Variants in PCLO observed in about 807,000 individuals in gnomAD.
PCLO encodes the protein protein piccolo.
Under a neutral mutation model 427.5 loss-of-function variants are expected in PCLO, and 82 were observed. The ratio of observed to expected loss-of-function variants is 0.19; its 90% confidence interval spans 0.16 to 0.23. The LOEUF (loss-of-function observed/expected upper bound fraction) is 0.23. Among genes scored for constraint, PCLO ranks in the 10% least tolerant of loss-of-function variants. The pLI is 1.00. For missense variants in PCLO, 6,239 were observed against 6,115.9 expected (o/e 1.02, Z -0.67); for synonymous variants, 2,357 against 2,155.4 (o/e 1.09, Z -2.59).
intron 3 of PCLO, among the ~76,000 whole-genome samples, chr7:83,094,753 CAA>C (rs1214757808): frequency 6.6e-6 from 1 of 152,108 alleles, no homozygotes; most frequent in Admixed American, 6.6e-5. Flanking sequence ...GGTAAGTGCT[CAA>C]GAGTGCAACT....
intron 2 of PCLO, among the ~76,000 whole-genome samples, chr7:83,154,141 G>A (rs917441462): frequency 9.2e-5 from 14 of 152,110 alleles, no homozygotes; most frequent in African/African-American, 2.7e-4. Context: ...AAGCCTAGGC[G>A]ATATAAACTG....
At chr7:82,782,567 A>T (rs1790895660) in intron 22 of PCLO, among the ~76,000 whole-genome samples, 1 of 152,216 alleles carries the variant, frequency 6.6e-6, no homozygotes, top group African/African-American at 2.4e-5. Flanking sequence ...AGAAGAGAGT[A>T]GAATGTTCTA....
At chr7:83,125,171 G>A (rs1464304084) in intron 3 of PCLO, among the ~76,000 whole-genome samples, 1 of 151,912 alleles carries the variant, frequency 6.6e-6, no homozygotes, top group Non-Finnish European at 1.5e-5. Context: ...CTGCCCGGCC[G>A]CCACCCCGTC....
At chr7:82,978,327 AT>A (rs1197526932) in intron 3 of PCLO, among the ~76,000 whole-genome samples, 3 of 152,148 alleles carry the variant, frequency 2.0e-5, no homozygotes, top group Admixed American at 6.6e-5. Flanking sequence ...TGTTAAAAAA[AT>A]ATGATTATTA....
At chr7:82,972,210 G>C (rs774827238) in intron 3 of PCLO, among the ~76,000 whole-genome samples, 1 of 151,828 alleles carries the variant, frequency 6.6e-6, no homozygotes, top group Non-Finnish European at 1.5e-5. Context: ...ATCAATTCAC[G>C]AGAGCTTGTT....
In PCLO at chr7:83,059,700, T is replaced by C. The variant is rs557871753; in HGVS notation, c.3300+74550A>G. Among the ~76,000 whole-genome samples the C allele has an allele frequency of 4.6e-5, 7 of 152,192 alleles. No individual in the cohort carries two copies. In the East Asian group the frequency reaches 1.4e-3, roughly 29 times the overall value. ...GCTTGGTGGTTAAGAGGTGAAGAGC[T>C]ATGCCATCTGAAAGAAGTACCAAGA... On this transcript the variant is annotated intron_variant, in intron 3 of 24. Coordinates refer to ENST00000333891, the MANE Select transcript of PCLO (RefSeq NM_033026.6).
intron 3 of PCLO, among the ~76,000 whole-genome samples, chr7:83,071,844 T>C (rs1024139534): frequency 6.6e-6 from 1 of 152,170 alleles, no homozygotes; most frequent in Non-Finnish European, 1.5e-5. Context: ...AAGAAAATAC[T>C]CTTCAAAGAA....
At chr7:83,069,746 C>T (rs937527578) in intron 3 of PCLO, among the ~76,000 whole-genome samples, 24 of 150,960 alleles carry the variant, frequency 1.6e-4, no homozygotes, top group African/African-American at 5.6e-4. Flanking sequence ...ATATTCTTGG[C>T]TCTTCACAAC....
chr7:82,843,627 T>C (rs1792423165), intron 13 of PCLO, among the ~76,000 whole-genome samples: 1 of 151,918 alleles, frequency 6.6e-6, no homozygotes, highest in Non-Finnish European at 1.5e-5. Flanking sequence ...AGGTAATCCA[T>C]GTTAATTAGC....
At chr7:83,094,135 A>G (rs567865393) in intron 3 of PCLO, among the ~76,000 whole-genome samples, 1 of 150,482 alleles carries the variant, frequency 6.6e-6, no homozygotes, top group Admixed American at 6.6e-5. Flanking sequence ...TCCTATTTCT[A>G]TAATTTTGTC....
At chr7:83,033,297 G>T (rs1788716412) in intron 3 of PCLO, among the ~76,000 whole-genome samples, 1 of 152,126 alleles carries the variant, frequency 6.6e-6, no homozygotes, top group African/African-American at 2.4e-5. Context: ...CTCACTACTT[G>T]ACATTAGCAG....
At chr7:83,049,800 T>C (rs191079891) in intron 3 of PCLO, among the ~76,000 whole-genome samples, 26 of 152,170 alleles carry the variant, frequency 1.7e-4, no homozygotes, top group Admixed American at 9.2e-4. Flanking sequence ...GCGGTTAAGC[T>C]AAAAGATATC....
chr7:83,055,009 C>T lies in PCLO; in HGVS notation c.3300+79241G>A, dbSNP rs946275136. Among the ~76,000 whole-genome samples the T allele has an allele frequency of 2.6e-5, 4 of 152,008 alleles. No homozygotes were observed. In the South Asian group the frequency reaches 8.3e-4, roughly 31 times the overall value. ...TTTGCTGAAATGCCTAAATTAGAGC[C>T]ATCCTAATTGTAAACTCAATTTCCT... On this transcript the variant is annotated intron_variant, in intron 3 of 24. Coordinates refer to ENST00000333891, the MANE Select transcript of PCLO (RefSeq NM_033026.6).
intron 3 of PCLO, among the ~76,000 whole-genome samples, chr7:83,061,145 T>A (rs551572025): frequency 6.6e-6 from 1 of 152,280 alleles, no homozygotes; most frequent in South Asian, 2.1e-4. Context: ...CATAACTGAG[T>A]TCTCTGCTCT....
intron 6 of PCLO, among the ~76,000 whole-genome samples, chr7:82,923,831 G>A (rs1221893223): frequency 1.3e-5 from 2 of 152,004 alleles, no homozygotes; most frequent in Admixed American, 6.6e-5. Flanking sequence ...CATCAATATA[G>A]GTAATAAATA....
intron 3 of PCLO, among the ~76,000 whole-genome samples, chr7:83,116,814 C>G (rs1387288346): frequency 6.6e-6 from 1 of 152,186 alleles, no homozygotes; most frequent in Non-Finnish European, 1.5e-5. Flanking sequence ...CTGGTAACCA[C>G]CATCCTACTC....
intron 18 of PCLO, 33 bp downstream of exon 18, chr7:82,826,556 C>T (rs1252773788): frequency 2.9e-6 from 4 of 1,390,962 alleles, no homozygotes; most frequent in African/African-American, 2.8e-5. Context: ...TTTACCATAG[C>T]AGCAAATAAG....
At chr7:82,819,776 A>G (rs1791751565) in intron 20 of PCLO, among the ~76,000 whole-genome samples, 1 of 152,186 alleles carries the variant, frequency 6.6e-6, no homozygotes. Flanking sequence ...AGAAGGACAT[A>G]TGAAATGTTT....
intron 22 of PCLO, among the ~76,000 whole-genome samples, chr7:82,788,339 A>G (rs543616326): frequency 6.7e-6 from 1 of 149,902 alleles, no homozygotes; most frequent in Non-Finnish European, 1.5e-5. Context: ...AGCATTAATG[A>G]ATGAAATAAA....
Sources: gnomAD v4.1 joint callset for allele counts (sites outside exome capture counted in the v4.1 genomes callset) on GRCh38, gnomAD v4.1.1 for gene constraint, MANE v1.5 for transcripts, NCBI Gene and HGNC (gene_info 2026-07-23, HGNC 2026-07-21) for gene names.